The following MME variants were observed in gnomAD, a reference collection of about 807,000 sequenced individuals.
MME encodes neprilysin.
In MME, 98 loss-of-function variants were observed where a neutral mutation model predicts 113.2. That is an observed-to-expected ratio of 0.87 (90% CI 0.74 to 1.02). The LOEUF is 1.02. Among genes scored for constraint, MME ranks in the 50% least tolerant of loss-of-function variants. MME has a pLI of 0.00. For synonymous variants in MME, 292 were observed against 300.6 expected, an observed-to-expected ratio of 0.97 and a Z score of 0.30; for missense variants, 836 against 896.0, an observed-to-expected ratio of 0.93 and a Z score of 0.86.
At chr3:155,170,403 A>T (rs189891325) in intron 20 of MME, among the ~76,000 whole-genome samples, 313 of 152,244 alleles carry the variant, frequency 2.1e-3, no homozygotes, top group Non-Finnish European at 3.7e-3. Flanking sequence ...CTTGAGCTTT[A>T]TTCTAGGATA....
chr3:155,172,456 C>A, intron 21 of MME, 80 bp from the exon 22 acceptor site: 2 of 1,149,140 alleles, frequency 1.7e-6, no homozygotes, highest in South Asian at 1.2e-5. Context: ...TAATTTTTCT[C>A]CTTCCCCTCA....
chr3:155,180,288 G>A (rs984916992), intron 22 of MME, 72 bp from the exon 23 acceptor site: 5 of 1,067,960 alleles, frequency 4.7e-6, no homozygotes, highest in South Asian at 1.3e-5. Context: ...AGAGGGAAAT[G>A]CTTCAGGGCT....
At chr3:155,103,522 C>T (rs756715617) in intron 3 of MME, among the ~76,000 whole-genome samples, 3 of 152,188 alleles carry the variant, frequency 2.0e-5, no homozygotes, top group Admixed American at 6.5e-5. Flanking sequence ...ATTCTACCCT[C>T]CTAAGCTAGA....
At position 155,042,940 on chromosome 3, in the gene MME, G is replaced by GTATATATATA. The variant is rs57585504; in HGVS notation, c.-11+18626_-11+18635dup. ...TATATATATATATATATATATATAT[G>GTATATATATA]TATATATATATATATATATCACATT... is the stretch of plus-strand genomic sequence containing the variant. On this transcript the variant is annotated intron_variant, in intron 1 of 22. Transcript: ENST00000492661. Among the ~76,000 whole-genome samples the GTATATATATA allele has an allele frequency of 7.5e-4, 40 of 53,568 alleles. 2 individuals are homozygous for GTATATATATA. Among genetic ancestry groups the GTATATATATA allele is most frequent in the African/African-American group, 2.6e-3 (34 of 13,110 alleles). 35.1% of individuals were successfully genotyped at this position (53,568 alleles called of 152,430 possible). A position where few individuals can be genotyped will look rare whatever the true frequency, so the allele number is the denominator to read the frequency against.
intron 1 of MME, among the ~76,000 whole-genome samples, chr3:155,082,248 A>G (rs1715216288): frequency 6.6e-6 from 1 of 152,176 alleles, no homozygotes; most frequent in Admixed American, 6.5e-5. Flanking sequence ...TTTCTAAGGA[A>G]GAACTAAGAA....
At chr3:155,091,405 T>C (rs916514572) in intron 3 of MME, among the ~76,000 whole-genome samples, 1 of 152,076 alleles carries the variant, frequency 6.6e-6, no homozygotes, top group African/African-American at 2.4e-5. Context: ...GGTCAAGAAA[T>C]TGAAAACATA....
At chr3:155,156,609 T>C (rs982650285) in intron 16 of MME, among the ~76,000 whole-genome samples, 1 of 152,178 alleles carries the variant, frequency 6.6e-6, no homozygotes, top group Non-Finnish European at 1.5e-5. Flanking sequence ...AATATATGGA[T>C]GGTTTGAAAG....
chr3:155,141,185 A>G (rs1330930066), intron 10 of MME, among the ~76,000 whole-genome samples: 1 of 152,224 alleles, frequency 6.6e-6, no homozygotes, highest in African/African-American at 2.4e-5. Flanking sequence ...ACTTTTCCAA[A>G]GGCATAAACT....
At chr3:155,152,616 G>A (rs1434375096) in intron 16 of MME, among the ~76,000 whole-genome samples, 2 of 152,068 alleles carry the variant, frequency 1.3e-5, no homozygotes, top group South Asian at 2.1e-4. Flanking sequence ...CAAGGTGGGC[G>A]GATCACTTGA....
intron 1 of MME, among the ~76,000 whole-genome samples, chr3:155,028,043 T>A (rs1198595200): frequency 6.6e-6 from 1 of 152,192 alleles, no homozygotes; most frequent in Non-Finnish European, 1.5e-5. Context: ...AATTCTGCCT[T>A]CTTTTTAAAA....
chr3:155,110,604 T>C (rs1418789054), intron 3 of MME, among the ~76,000 whole-genome samples: 1 of 152,234 alleles, frequency 6.6e-6, no homozygotes, highest in Non-Finnish European at 1.5e-5. Flanking sequence ...ACATTCAGAA[T>C]TGTCATTTGT....
chr3:155,093,178 C>T (rs548635872), intron 3 of MME, among the ~76,000 whole-genome samples: 1 of 151,938 alleles, frequency 6.6e-6, no homozygotes, highest in Non-Finnish European at 1.5e-5. Context: ...CATTGAGCTC[C>T]ATTTTTGCAG....
chr3:155,158,701 G>A (rs1722489367), intron 16 of MME: 1 of 151,858 alleles, frequency 6.6e-6, no homozygotes. Flanking sequence ...TAATATCCCT[G>A]GGTTTACACA....
At chr3:155,175,233 T>G (rs538477347) in intron 22 of MME, among the ~76,000 whole-genome samples, 205 of 152,124 alleles carry the variant, frequency 1.3e-3, no homozygotes, top group Admixed American at 7.1e-3. Flanking sequence ...CCAATTGTGA[T>G]GCTTTTTGAC....
rs537805745 is a variant in MME at position 155,117,704 on chromosome 3, C to T, written c.654+718C>T. Among the ~76,000 whole-genome samples, 70 of 147,744 alleles carry T rather than the reference C, an allele frequency of 4.7e-4. No individual in the cohort carries two copies. In the South Asian group the frequency reaches 0.014, roughly 29 times the overall value. The stretch of plus-strand genomic sequence containing the variant: ...TCACTATTGCATAAATCTTTATGGT[C>T]GTTTTTGTTAAAATCATGAAAGGAA... On this transcript the variant is annotated intron_variant, in intron 7 of 22. Coordinates refer to ENST00000360490, the MANE Select transcript of MME (RefSeq NM_007289.4).
chr3:155,124,618 T>A (rs1484022114), intron 8 of MME, among the ~76,000 whole-genome samples: 4 of 152,054 alleles, frequency 2.6e-5, no homozygotes, highest in Non-Finnish European at 4.4e-5. Flanking sequence ...CCTTTCTGTT[T>A]GTTAGTTTTC....
At chr3:155,083,048 T>A (rs1379234084) in intron 1 of MME, among the ~76,000 whole-genome samples, 3 of 152,202 alleles carry the variant, frequency 2.0e-5, no homozygotes, top group Non-Finnish European at 4.4e-5. Context: ...AAATGGAAAT[T>A]GTGTGTTCTA....
At chr3:155,133,062 A>ATATATATATATATATATATATATAT (rs376436889) in intron 8 of MME, among the ~76,000 whole-genome samples, 4 of 75,060 alleles carry the variant, frequency 5.3e-5, no homozygotes, top group African/African-American at 2.0e-4. Context: ...AAAAAAAAAA[A>ATATATATATATATATATATATATAT]ATATATATAT....
At chr3:155,114,796 C>T (rs1023233857) in intron 3 of MME, among the ~76,000 whole-genome samples, 198 bp from the exon 4 acceptor site, 10 of 152,118 alleles carry the variant, frequency 6.6e-5, no homozygotes, top group African/African-American at 1.2e-4. Context: ...CAAAATAAAA[C>T]GAACCAACTA....
Sources: gnomAD v4.1 joint callset for allele counts (sites outside exome capture counted in the v4.1 genomes callset) on GRCh38, gnomAD v4.1.1 for gene constraint, MANE v1.5 for transcripts, NCBI Gene and HGNC (gene_info 2026-07-23, HGNC 2026-07-21) for gene names.